The following CSMD1 variants were observed in gnomAD, a reference collection of about 807,000 sequenced individuals.
CSMD1 encodes the protein CUB and sushi domain-containing protein 1.
A neutral mutation model predicts 417.5 loss-of-function variants in CSMD1; 213 were observed. The ratio of observed to expected loss-of-function variants is 0.51; its 90% confidence interval spans 0.46 to 0.57. The LOEUF is 0.57. Ranked by LOEUF, CSMD1 falls within the 20% of genes least tolerant of loss-of-function variation. The pLI is 0.00. For missense variants in CSMD1, 6,923 were observed against 4,529.7 expected (o/e 1.53, Z -15.17); for synonymous variants, 2,862 against 1,736.8 (o/e 1.65, Z -16.11).
At chr8:4,421,242 G>T (rs577704811) in intron 2 of CSMD1, among the ~76,000 whole-genome samples, 11 of 151,882 alleles carry the variant, frequency 7.2e-5, no homozygotes, top group African/African-American at 2.4e-4. Flanking sequence ...CTTTAAGAAA[G>T]GAAAAACAAA....
intron 5 of CSMD1, among the ~76,000 whole-genome samples, chr8:3,855,940 C>T (rs1181838983): frequency 1.3e-5 from 2 of 152,060 alleles, no homozygotes; most frequent in East Asian, 3.9e-4. Context: ...AATATTGAAT[C>T]CCAGAAGCAT....
chr8:3,801,058 C>A (rs1240783016), intron 5 of CSMD1, among the ~76,000 whole-genome samples: 1 of 151,578 alleles, frequency 6.6e-6, no homozygotes, highest in East Asian at 1.9e-4. Flanking sequence ...GTGGTTGAGG[C>A]CATGCTTCCC....
At chr8:3,837,755 G>C (rs1390604475) in intron 5 of CSMD1, among the ~76,000 whole-genome samples, 1 of 151,876 alleles carries the variant, frequency 6.6e-6, no homozygotes, top group African/African-American at 2.4e-5. Context: ...GCTCCTCCCA[G>C]TTTATCAGTT....
chr8:3,230,351 C>T lies in CSMD1; in HGVS notation c.4154-120G>A, dbSNP rs1406204005. Reference sequence around the variant, plus strand: ...ATTGGCCTAATAAGTCATTTGTCTACACATGAACATACGAAAATAGTTTCT... The same window carrying T: ...ATTGGCCTAATAAGTCATTTGTCTATACATGAACATACGAAAATAGTTTCT... On this transcript the variant is annotated intron_variant, in intron 26 of 69. Coordinates refer to ENST00000635120, the MANE Select transcript of CSMD1 (RefSeq NM_033225.6). 15 of 632,154 alleles carry T rather than the reference C, an allele frequency of 2.4e-5. No homozygotes were observed. In the South Asian group the frequency reaches 5.1e-4, roughly 21 times the overall value. The allele number at this position is 632,154 out of a possible 1,614,324, so 39.2% of individuals were successfully genotyped here.
rs760909287 is a variant in CSMD1, at chr8:4,767,514, AC to A, written c.86-129957del. ...TGGTCTACCTGCCTGAGACCAACTTACCCCCACATGGATTAGTATCTCACCA... is the reference window on the plus strand; with the variant it reads ...TGGTCTACCTGCCTGAGACCAACTTACCCCACATGGATTAGTATCTCACCA... On this transcript the variant is annotated intron_variant, in intron 1 of 69. Transcript: ENST00000635120. Among the ~76,000 whole-genome samples the A allele has an allele frequency of 4.0e-5, 6 of 151,792 alleles. No individual in the cohort carries two copies. In the East Asian group the frequency reaches 1.2e-3, roughly 30 times the overall value.
chr8:3,010,657 T>G (rs910547466), intron 52 of CSMD1, among the ~76,000 whole-genome samples: 1 of 152,110 alleles, frequency 6.6e-6, no homozygotes, highest in Non-Finnish European at 1.5e-5. Flanking sequence ...ACATCTACTC[T>G]TCTGTCAGCC....
chr8:3,096,690 G>C lies in CSMD1; in HGVS notation c.7138+159C>G, dbSNP rs146399186. On this transcript the variant is annotated intron_variant, in intron 47 of 69. Coordinates refer to ENST00000635120, the MANE Select transcript of CSMD1 (RefSeq NM_033225.6). ...TGTTTTACAGACTGCTTGATCTCTT[G>C]AGAATGCATAACCCCAAACTAGTTT... Among the ~76,000 whole-genome samples the C allele has an allele frequency of 3.2e-3, 487 of 152,256 alleles. 5 individuals are homozygous for C. The highest frequency in any genetic ancestry group is 0.011 in the African/African-American group (465 of 41,540).
intron 3 of CSMD1, among the ~76,000 whole-genome samples, chr8:4,158,089 C>CTTTTT (rs57117925): frequency 1.4e-4 from 20 of 142,006 alleles, no homozygotes; most frequent in Non-Finnish European, 9.2e-5. Flanking sequence ...CAAGAAAACC[C>CTTTTT]TTTTTTTTTT....
chr8:4,162,173 T>G (rs13259195), intron 3 of CSMD1, among the ~76,000 whole-genome samples: 47,121 of 151,992 alleles, frequency 0.31, 7,489 homozygotes, highest in South Asian at 0.42. Flanking sequence ...CCTGCCTGCT[T>G]TGCGCAACTT....
At chr8:3,091,200 T>C (rs543645991) in intron 48 of CSMD1, among the ~76,000 whole-genome samples, 1 of 152,160 alleles carries the variant, frequency 6.6e-6, no homozygotes, top group African/African-American at 2.4e-5. Context: ...ATTTGTTTGC[T>C]TACCATTTAA....
chr8:3,999,141 T>A (rs1430604174), intron 4 of CSMD1, among the ~76,000 whole-genome samples: 1 of 151,894 alleles, frequency 6.6e-6, no homozygotes, highest in African/African-American at 2.4e-5. Flanking sequence ...CTTCCCTCCT[T>A]TCTTTCTTCC....
intron 3 of CSMD1, among the ~76,000 whole-genome samples, chr8:4,415,173 C>A (rs1796864433): frequency 1.3e-5 from 2 of 152,102 alleles, no homozygotes; most frequent in South Asian, 4.2e-4. Context: ...CAGCTCCAGG[C>A]TCTCTGAGCT....
intron 1 of CSMD1, among the ~76,000 whole-genome samples, chr8:4,917,419 G>C (rs11136792): frequency 2.0e-5 from 3 of 151,942 alleles, no homozygotes; most frequent in African/African-American, 7.3e-5. Context: ...CAGACTACAA[G>C]GTCAGGAGAT....
chr8:4,416,575 C>G (rs866989185), intron 3 of CSMD1, among the ~76,000 whole-genome samples: 1 of 151,894 alleles, frequency 6.6e-6, no homozygotes, highest in Non-Finnish European at 1.5e-5. Context: ...TACGTTTTTA[C>G]TAATAAGGGC....
intron 3 of CSMD1, among the ~76,000 whole-genome samples, chr8:4,211,779 T>G (rs1180683474): frequency 6.6e-6 from 1 of 152,324 alleles, no homozygotes; most frequent in East Asian, 1.9e-4. Flanking sequence ...ACTATTTTCT[T>G]CAAACTGTTT....
chr8:3,315,905 A>C (rs779416482), intron 23 of CSMD1, among the ~76,000 whole-genome samples: 20 of 152,200 alleles, frequency 1.3e-4, no homozygotes, highest in African/African-American at 4.8e-4. Context: ...ATTAATCCCA[A>C]GTGAATTTAA....
At chr8:4,688,324 G>C (rs916159574) in intron 1 of CSMD1, among the ~76,000 whole-genome samples, 1 of 152,116 alleles carries the variant, frequency 6.6e-6, no homozygotes, top group African/African-American at 2.4e-5. Flanking sequence ...TTGGGATGCA[G>C]GTCAAGTCAC....
intron 2 of CSMD1, among the ~76,000 whole-genome samples, chr8:4,564,996 A>G (rs1798522175): frequency 6.6e-6 from 1 of 152,106 alleles, no homozygotes; most frequent in South Asian, 2.1e-4. Flanking sequence ...GAACCCTTGG[A>G]GTTACTGTAA....
intron 3 of CSMD1, among the ~76,000 whole-genome samples, chr8:4,281,124 T>G (rs527556326): frequency 6.6e-6 from 1 of 152,340 alleles, no homozygotes; most frequent in East Asian, 1.9e-4. Flanking sequence ...TGCTGGCCCC[T>G]AGGTGGCACT....
Sources: gnomAD v4.1 joint callset for allele counts (sites outside exome capture counted in the v4.1 genomes callset) on GRCh38, gnomAD v4.1.1 for gene constraint, MANE v1.5 for transcripts, NCBI Gene and HGNC (gene_info 2026-07-23, HGNC 2026-07-21) for gene names.